The following ZKSCAN8 variants were observed in gnomAD, a reference collection of about 807,000 sequenced individuals.
ZKSCAN8 encodes the protein zinc finger protein with KRAB and SCAN domains 8.
ZKSCAN8 carries 27 observed loss-of-function variants against 57.2 expected under a neutral mutation model. That is an observed-to-expected ratio of 0.47 (90% CI 0.35 to 0.65). The LOEUF (loss-of-function observed/expected upper bound fraction) is 0.65, where lower values mean the gene tolerates loss of function less well. Among genes scored for constraint, ZKSCAN8 ranks in the 30% least tolerant of loss-of-function variants. ZKSCAN8 has a pLI of 0.01. For missense variants in ZKSCAN8, 597 were observed against 696.3 expected (o/e 0.86, Z 1.60); for synonymous variants, 214 against 248.7 (o/e 0.86, Z 1.31).
rs1765770371 is a variant in ZKSCAN8, at chr6:28,156,065, CTG to C, written c.*2050_*2051del. Reference sequence around the variant, plus strand: ...CTGTGTTTCAGTTGTGCCTTACCCTCTGTAAGATACTGATTCTTCCTGGGGCC... The same window carrying C: ...CTGTGTTTCAGTTGTGCCTTACCCTCTAAGATACTGATTCTTCCTGGGGCC... On this transcript the variant is annotated 3_prime_UTR_variant, in exon 6 of 6. Coordinates refer to ENST00000330236, the MANE Select transcript of ZKSCAN8 (RefSeq NM_006298.4). 1 of 397,956 alleles carries C rather than the reference CTG, an allele frequency of 2.5e-6. No homozygotes were observed. The highest frequency in any genetic ancestry group is 2.1e-5 in the African/African-American group (1 of 48,602). The allele number at this position is 397,956 out of a possible 1,614,324, so 24.7% of individuals were successfully genotyped here.
rs769012626 is a variant in ZKSCAN8 at position 28,153,487 on chromosome 6, G to A, written c.1207G>A (p.Glu403Lys). The A allele has an allele frequency of 1.7e-5, 27 of 1,612,234 alleles. No homozygotes were observed. The highest frequency in any genetic ancestry group is 2.3e-5 in the Non-Finnish European group (27 of 1,178,548). Residue 403 changes from glutamate to lysine, a missense_variant, in exon 6 of 6, where the codon GAG becomes AAG. Transcript: ENST00000330236. ...TCTGCACCAGAGAATCCACACTGGG[G>A]AGAAGCCATATCAGTGCAATCAGTG... ...LILHQRIHTG[E>K]KPYQCNQCGK...
At chr6:28,145,480 T>C (rs1765362144) in intron 1 of ZKSCAN8, among the ~76,000 whole-genome samples, 1 of 151,962 alleles carries the variant, frequency 6.6e-6, no homozygotes, top group Non-Finnish European at 1.5e-5. Flanking sequence ...AGGAGGTGAG[T>C]CATGTTAGTC....
intron 1 of ZKSCAN8, among the ~76,000 whole-genome samples, chr6:28,147,989 A>ACC (rs1765454844): frequency 6.6e-6 from 1 of 152,222 alleles, no homozygotes; most frequent in African/African-American, 2.4e-5. Flanking sequence ...AAGGGGTTAA[A>ACC]TGAGCAGCCC....
Position 28,153,410 on chromosome 6 carries a change from G to A in ZKSCAN8, c.1130G>A (p.Arg377His), listed in dbSNP as rs760280814. The change falls in exon 6 of 6, where the codon CGC becomes CAC. Residue 377 changes from arginine to histidine, a missense_variant. Transcript: ENST00000330236. ...SHQDIHNKVK[R>H]YHCKECGKAF... is the part of the protein sequence containing the mutation. ...CAGGATATCCACAACAAAGTAAAAC[G>A]CTATCACTGTAAGGAGTGTGGCAAA... 1.8e-5 allele frequency: 29 copies of A among 1,613,806 alleles called. No individual in the cohort carries two copies. The highest frequency in any genetic ancestry group is 2.2e-5 in the Non-Finnish European group (26 of 1,179,986).
chr6:28,149,782 T>G (rs578249388), intron 3 of ZKSCAN8, among the ~76,000 whole-genome samples, 158 bp downstream of exon 3: 6 of 152,306 alleles, frequency 3.9e-5, no homozygotes, highest in African/African-American at 1.2e-4. Context: ...ATATAGATTA[T>G]TCTTTCTAGT....
chr6:28,153,942 C>T lies in ZKSCAN8; in HGVS notation c.1662C>T (p.Ala554=), dbSNP rs1366649102. Residue 554 remains alanine (A), a synonymous_variant, in exon 6 of 6, where the codon GCC becomes GCT. Transcript: ENST00000330236. ...KPYQCNECGK[A]FIQRSSLIRH... ...ACCAATGTAATGAGTGTGGGAAAGC[C>T]TTTATTCAGAGGTCAAGTCTCATTC... 8 of 1,613,804 alleles carry T rather than the reference C, an allele frequency of 5.0e-6. No homozygotes were observed. Among genetic ancestry groups the T allele is most frequent in the Non-Finnish European group, 5.9e-6 (7 of 1,179,954 alleles).
In ZKSCAN8 at chr6:28,154,095, A is replaced by G; in HGVS notation, c.*78A>G. 6.7e-7 allele frequency: 1 copy of G among 1,497,770 alleles called. No homozygotes were observed. Among genetic ancestry groups the G allele is most frequent in the Non-Finnish European group, 8.9e-7 (1 of 1,129,902 alleles). The allele number at this position is 1,497,770 out of a possible 1,614,324, so 92.8% of individuals were successfully genotyped here. ...CTGGTGAGAGGTCTTTCAGTGTACT[A>G]AAAGGCAGAAAGGTCATCACAACTT... On this transcript the variant is annotated 3_prime_UTR_variant, in exon 6 of 6. Coordinates refer to ENST00000330236, the MANE Select transcript of ZKSCAN8 (RefSeq NM_006298.4).
At chr6:28,151,672 T>C (rs1054150916) in intron 3 of ZKSCAN8, among the ~76,000 whole-genome samples, 173 bp from the exon 4 acceptor site, 17 of 152,238 alleles carry the variant, frequency 1.1e-4, no homozygotes, top group African/African-American at 4.1e-4. Flanking sequence ...GCGTATGTTT[T>C]GTGGGGCAGC....
Position 28,148,519 on chromosome 6 carries a change from A to G in ZKSCAN8, c.112A>G (p.Ser38Gly). The G allele has an allele frequency of 6.2e-7, 1 of 1,614,172 alleles. No individual in the cohort carries two copies. Among genetic ancestry groups the G allele is most frequent in the Non-Finnish European group, 8.5e-7 (1 of 1,180,026 alleles). Residue 38 changes from serine (S) to glycine (G), a missense_variant, in exon 2 of 6, where the codon AGT becomes GGT. Ser to Gly is a moderately conservative substitution (Grantham distance 56, BLOSUM62 0). Transcript: ENST00000330236. Reference sequence around the variant, plus strand: ...GGATCATGGTTGGGACCAGGAATCTAGTCTGCATGAAAGTAACCCTCTTGG... The same window carrying G: ...GGATCATGGTTGGGACCAGGAATCTGGTCTGCATGAAAGTAACCCTCTTGG... ...EEDHGWDQES[S>G]LHESNPLGQE...
In ZKSCAN8 at chr6:28,153,151, G is replaced by A. The variant is rs763822634; in HGVS notation, c.871G>A (p.Gly291Arg). ...PHGETAAKCN[G>R]DVIRGLEHEE... ...TGGAGAGACAGCTGCCAAATGCAAC[G>A]GGGATGTTATCAGGGGTCTTGAGCA... The change falls in exon 6 of 6, where the codon GGG (glycine) becomes AGG (arginine). Residue 291 changes from glycine (G) to arginine (R), a missense_variant. Transcript: ENST00000330236. The A allele has an allele frequency of 2.3e-5, 37 of 1,614,052 alleles. No homozygotes were observed. Among genetic ancestry groups the A allele is most frequent in the East Asian group, 6.7e-5 (3 of 44,894 alleles).
At chr6:28,151,769 T>G in intron 3 of ZKSCAN8, 76 bp from the exon 4 acceptor site, 1 of 1,190,516 alleles carries the variant, frequency 8.4e-7, no homozygotes, top group Non-Finnish European at 1.2e-6. Flanking sequence ...ATAAAAATAA[T>G]TTGGAATGGG....
At chr6:28,146,267 G>A (rs1003874850) in intron 1 of ZKSCAN8, among the ~76,000 whole-genome samples, 21 of 152,172 alleles carry the variant, frequency 1.4e-4, no homozygotes, top group African/African-American at 3.6e-4. Flanking sequence ...ATACAATTAA[G>A]TTTTGAAGTC....
intron 2 of ZKSCAN8, 41 bp from the exon 3 acceptor site, chr6:28,149,442 G>C (rs144104450): frequency 6.2e-7 from 1 of 1,608,092 alleles, no homozygotes; most frequent in African/African-American, 1.3e-5. Context: ...ATTACATTTC[G>C]CAAAGGGATT....
At chr6:28,148,877 T>C in intron 2 of ZKSCAN8, 53 bp downstream of exon 2, 1 of 1,554,616 alleles carries the variant, frequency 6.4e-7, no homozygotes, top group Non-Finnish European at 8.7e-7. Flanking sequence ...GGAAGCTTGG[T>C]AGAGGGACAT....
Position 28,144,714 on chromosome 6 carries a change from G to A in ZKSCAN8, c.-93+2685G>A, listed in dbSNP as rs975573322. On this transcript the variant is annotated intron_variant, in intron 1 of 5. Transcript: ENST00000330236. This position sits in a 1 kb window ranked among gnomAD's most constrained non-coding sequence, Gnocchi z 4.5. ...TAGGAATGACAAATGGCAGGGGGAT[G>A]ACAGAGAAGAACTCATGAAAAAGGT... Among the ~76,000 whole-genome samples, 3 of 152,234 alleles carry A rather than the reference G, an allele frequency of 2.0e-5. No homozygotes were observed. Among genetic ancestry groups the A allele is most frequent in the African/African-American group, 7.2e-5 (3 of 41,464 alleles).
At position 28,154,787 on chromosome 6, in the gene ZKSCAN8, G is replaced by GT. The variant is rs1765732162; in HGVS notation, c.*771dup. 1.3e-5 allele frequency: 2 copies of GT among 152,722 alleles called. No individual in the cohort carries two copies. Among genetic ancestry groups the GT allele is most frequent in the South Asian group, 4.1e-4 (2 of 4,820 alleles). 9.5% of individuals were successfully genotyped at this position (152,722 alleles called of 1,614,324 possible). ...TTATGGGAGTAATACAGAGAAAGAG[G>GT]TGAGTGGAGACTCAGCCCAGCTGCT... On this transcript the variant is annotated 3_prime_UTR_variant, in exon 6 of 6. Coordinates refer to ENST00000330236, the MANE Select transcript of ZKSCAN8 (RefSeq NM_006298.4).
Position 28,154,888 on chromosome 6 carries a change from A to G in ZKSCAN8, c.*871A>G, listed in dbSNP as rs1765735054. The G allele has an allele frequency of 6.6e-6, 1 of 152,646 alleles. No individual in the cohort carries two copies. The highest frequency in any genetic ancestry group is 1.5e-5 in the Non-Finnish European group (1 of 68,054). 9.5% of individuals were successfully genotyped at this position (152,646 alleles called of 1,614,324 possible). A position where few individuals can be genotyped will look rare whatever the true frequency, so the allele number is the denominator to read the frequency against. On this transcript the variant is annotated 3_prime_UTR_variant, in exon 6 of 6. Transcript: ENST00000330236. ...CTCCCCACTGTACACTGTGGTACAG[A>G]TAGTTGGCACTATCCTAGTTATGGC...
chr6:28,152,429 T>C (rs201051694), intron 5 of ZKSCAN8, 45 bp downstream of exon 5: 1 of 1,564,500 alleles, frequency 6.4e-7, no homozygotes, highest in Non-Finnish European at 8.6e-7. Context: ...ATTTTTTGTT[T>C]GTTTGTTGTT....
chr6:28,148,734 A>G lies in ZKSCAN8; in HGVS notation c.327A>G (p.Thr109=). 1 of 1,614,166 alleles carries G rather than the reference A, an allele frequency of 6.2e-7. No homozygotes were observed. Among genetic ancestry groups the G allele is most frequent in the African/African-American group, 1.3e-5 (1 of 75,042 alleles). ...CCATCCTACCTGAGGAGCTCCAGAC[A>G]CTGGTTAAGGAACATCAGCTAGAGA... ...FLTILPEELQ[T]LVKEHQLENG... is the part of the protein sequence containing the mutation. Residue 109 remains threonine, a synonymous_variant, in exon 2 of 6, where the codon ACA becomes ACG. Transcript: ENST00000330236.
Sources: allele counts gnomAD v4.1 joint callset (sites outside exome capture counted in the v4.1 genomes callset), GRCh38; gene constraint gnomAD v4.1.1; non-coding constraint Gnocchi (gnomAD v3.1); transcripts MANE v1.5; gene names NCBI Gene and HGNC (gene_info 2026-07-23, HGNC 2026-07-21).